SLC35F4: variants seen among roughly 807,000 people sequenced by gnomAD.
The protein encoded by SLC35F4 is chromosome 14 open reading frame 36.
Under a neutral mutation model 44.2 loss-of-function variants are expected in SLC35F4, and 24 were observed. That is an observed-to-expected ratio of 0.54 (90% CI 0.39 to 0.76). The LOEUF is 0.76. SLC35F4 is among the 30% of genes least tolerant of loss of function. The pLI, the probability that SLC35F4 is intolerant of heterozygous loss-of-function variation, is 0.00. For missense variants in SLC35F4, 562 were observed against 586.1 expected, an observed-to-expected ratio of 0.96 and a Z score of 0.42; for synonymous variants, 238 against 223.6, an observed-to-expected ratio of 1.06 and a Z score of -0.57.
chr14:57,715,745 C>T (rs146991539), intron 1 of SLC35F4, among the ~76,000 whole-genome samples: 2 of 152,060 alleles, frequency 1.3e-5, no homozygotes, highest in South Asian at 4.1e-4. Flanking sequence ...CAGAGATGGA[C>T]TGGGAAGGGA....
At chr14:57,638,996 A>G (rs181105136) in intron 1 of SLC35F4, among the ~76,000 whole-genome samples, 1 of 152,220 alleles carries the variant, frequency 6.6e-6, no homozygotes, top group East Asian at 1.9e-4. Flanking sequence ...TCGGTGTCAT[A>G]AACCCCAAAA....
chr14:57,644,411 A>G (rs374496806), intron 1 of SLC35F4, among the ~76,000 whole-genome samples: 4 of 150,440 alleles, frequency 2.7e-5, no homozygotes, highest in South Asian at 2.1e-4. Flanking sequence ...CAGCATAAAT[A>G]TCTTCTTTTG....
At chr14:57,786,203 G>T (rs1386128981) in intron 1 of SLC35F4, among the ~76,000 whole-genome samples, 1 of 152,034 alleles carries the variant, frequency 6.6e-6, no homozygotes, top group East Asian at 1.9e-4. Context: ...AATTCTCCTA[G>T]GTACACAACT....
upstream of SLC35F4, among the ~76,000 whole-genome samples, chr14:57,867,121 A>T (rs1284090616): frequency 6.6e-6 from 1 of 151,826 alleles, no homozygotes; most frequent in East Asian, 1.9e-4. Context: ...GGCTTAAGAC[A>T]TCCCTGCCAG....
chr14:57,962,435 G>C (rs1184986828), intron 1 of SLC35F4, among the ~76,000 whole-genome samples: 3 of 152,164 alleles, frequency 2.0e-5, no homozygotes, highest in Non-Finnish European at 4.4e-5. Context: ...GCCAGCAGTG[G>C]CTGCGGCGCA....
intron 1 of SLC35F4, among the ~76,000 whole-genome samples, chr14:57,864,760 T>C (rs1229031065): frequency 6.6e-6 from 1 of 152,174 alleles, no homozygotes; most frequent in Non-Finnish European, 1.5e-5. Context: ...CAGAAATGCA[T>C]TGATAAAGAA....
intron 1 of SLC35F4, among the ~76,000 whole-genome samples, chr14:57,678,681 C>CGGAAAGAAAAAA (rs2074785014): frequency 1.3e-5 from 2 of 149,026 alleles, no homozygotes; most frequent in Non-Finnish European, 3.0e-5. Context: ...GAATATTTAC[C>CGGAAAGAAAAAA]AAGCAAATGG....
chr14:57,673,559 T>G (rs2074590031), intron 1 of SLC35F4, among the ~76,000 whole-genome samples: 1 of 151,974 alleles, frequency 6.6e-6, no homozygotes, highest in Non-Finnish European at 1.5e-5. Flanking sequence ...AGATAGAAAC[T>G]GCCTCATCAG....
intron 1 of SLC35F4, among the ~76,000 whole-genome samples, chr14:57,845,304 G>C (rs1456581528): frequency 6.6e-6 from 1 of 152,168 alleles, no homozygotes; most frequent in African/African-American, 2.4e-5. Context: ...CTTGGGCAAG[G>C]TAACCTCTCT....
chr14:57,774,371 CTT>C (rs1165192089), intron 1 of SLC35F4, among the ~76,000 whole-genome samples: 1 of 152,170 alleles, frequency 6.6e-6, no homozygotes, highest in Non-Finnish European at 1.5e-5. Context: ...ACCATGGACA[CTT>C]GTGTTGGCAT....
intron 1 of SLC35F4, among the ~76,000 whole-genome samples, chr14:57,623,276 T>C (rs948963742): frequency 1.3e-5 from 2 of 152,150 alleles, no homozygotes; most frequent in African/African-American, 2.4e-5. Flanking sequence ...CCTAAATATA[T>C]ATGTGCCCAA....
chr14:57,878,194 A>G (rs920416059), intron 1 of SLC35F4, among the ~76,000 whole-genome samples: 3 of 151,994 alleles, frequency 2.0e-5, no homozygotes, highest in Non-Finnish European at 2.9e-5. Context: ...AGTTCCTTAT[A>G]GATTCTTGAT....
At chr14:57,785,102 G>C (rs370442658) in intron 1 of SLC35F4, among the ~76,000 whole-genome samples, 2 of 152,220 alleles carry the variant, frequency 1.3e-5, no homozygotes, top group African/African-American at 4.8e-5. Flanking sequence ...AAAAGTCATA[G>C]ATTTTTGACT....
chr14:57,938,265 C>T (rs1889851704), intron 1 of SLC35F4, among the ~76,000 whole-genome samples: 1 of 151,972 alleles, frequency 6.6e-6, no homozygotes, highest in Non-Finnish European at 1.5e-5. Flanking sequence ...AGGAGACTCT[C>T]AAGCAGACAG....
chr14:57,716,575 A>T (rs1352761560), intron 1 of SLC35F4, among the ~76,000 whole-genome samples: 3 of 152,152 alleles, frequency 2.0e-5, no homozygotes, highest in Non-Finnish European at 4.4e-5. Flanking sequence ...TCAAAAATCC[A>T]CTTCCCATAT....
At chr14:57,609,527 A>G (rs527786130) in intron 1 of SLC35F4, among the ~76,000 whole-genome samples, 48 of 152,302 alleles carry the variant, frequency 3.2e-4, no homozygotes, top group Non-Finnish European at 5.1e-4. Context: ...ACCTCCCAGG[A>G]GTACCATATT....
At chr14:57,787,344 G>A (rs553359647) in intron 1 of SLC35F4, among the ~76,000 whole-genome samples, 2 of 152,244 alleles carry the variant, frequency 1.3e-5, no homozygotes, top group East Asian at 3.9e-4. Context: ...ATATTTGGGG[G>A]AATAATTGAG....
intron 1 of SLC35F4, among the ~76,000 whole-genome samples, chr14:57,634,790 G>C (rs1203826171): frequency 6.6e-6 from 1 of 152,106 alleles, no homozygotes; most frequent in African/African-American, 2.4e-5. Context: ...TAGGATGGAG[G>C]AGAGAGTTCA....
At chr14:57,717,345 T>A (rs1379094654) in intron 1 of SLC35F4, among the ~76,000 whole-genome samples, 2 of 152,082 alleles carry the variant, frequency 1.3e-5, no homozygotes, top group African/African-American at 4.8e-5. Context: ...TGTATAAGAG[T>A]TCTTCTTCCA....
Sources: gnomAD v4.1 joint callset for allele counts (sites outside exome capture counted in the v4.1 genomes callset) on GRCh38, gnomAD v4.1.1 for gene constraint, MANE v1.5 for transcripts, NCBI Gene and HGNC (gene_info 2026-07-23, HGNC 2026-07-21) for gene names.